The following TSC2 variants were observed in gnomAD, a reference collection of about 807,000 sequenced individuals.
TSC2 encodes the protein TSC complex subunit 2.
TSC2 carries 29 observed loss-of-function variants against 202.2 expected under a neutral mutation model. The ratio of observed to expected loss-of-function variants is 0.14; its 90% CI spans 0.11 to 0.20. The LOEUF is 0.20. Ranked by LOEUF, TSC2 falls within the 10% of genes least tolerant of loss-of-function variation. The pLI is 1.00. For missense variants in TSC2, 2,429 were observed against 2,420.0 expected, an observed-to-expected ratio of 1.00 and a Z score of -0.08; for synonymous variants, 1,349 against 1,044.0, an observed-to-expected ratio of 1.29 and a Z score of -5.63.
chr16:2,048,375 G>C, intron 1 of TSC2: 3 of 846,796 alleles, frequency 3.5e-6, no homozygotes, highest in Non-Finnish European at 3.9e-6. Flanking sequence ...TCTGAGTAGA[G>C]AGCTCTCTAG....
chr16:2,063,125 C>T (rs530701458), intron 14 of TSC2, 72 bp downstream of exon 14: 49 of 1,515,172 alleles, frequency 3.2e-5, no homozygotes, highest in South Asian at 6.0e-5. Context: ...CTGTTGTGCA[C>T]GTGCTCCCGC....
At chr16:2,053,304 G>GAGC (rs746930095) in intron 3 of TSC2, 38 bp from the exon 4 acceptor site, 10 of 1,548,524 alleles carry the variant, frequency 6.5e-6, no homozygotes, top group Non-Finnish European at 8.7e-6. Flanking sequence ...GGTTCTTGGA[G>GAGC]AGCACATCCT....
At chr16:2,053,954 C>T (rs530787136) in intron 4 of TSC2, 2 of 447,498 alleles carry the variant, frequency 4.5e-6, no homozygotes, top group African/African-American at 2.0e-5. Flanking sequence ...GGGTTTCCCC[C>T]ACTCAGGCCT....
At chr16:2,081,369 C>T (rs1209332511) in intron 30 of TSC2, 6 of 608,434 alleles carry the variant, frequency 9.9e-6, no homozygotes, top group South Asian at 9.3e-5. Flanking sequence ...GGGCTGGAGG[C>T]CGCTGCTCTG....
rs145002269 is a variant in TSC2, at chr16:2,087,865, C to G, written c.4992C>G (p.Gly1664=). 1.2e-6 allele frequency: 2 copies of G among 1,612,574 alleles called. No homozygotes were observed. The highest frequency in any genetic ancestry group is 2.2e-5 in the South Asian group (2 of 91,054). ...GACCCTTTCTCTTGTCCGGGCAGGG[C>G]CAGTTCAACTTTGTCCACGTGATCG... ...GEDFKLGTIK[G]QFNFVHVIVT... Residue 1664 remains glycine (G), a splice_region_variant and synonymous_variant, in exon 39 of 42, where the codon GGC becomes GGG. Transcript: ENST00000219476.
rs771550363 is a variant in TSC2, at chr16:2,080,355, G to A, written c.3588G>A (p.Glu1196=). The A allele has an allele frequency of 1.2e-6, 2 of 1,612,132 alleles. No homozygotes were observed. Among genetic ancestry groups the A allele is most frequent in the South Asian group, 2.2e-5 (2 of 91,052 alleles). ...CCCTGCTGACCCAGGGCTGGGCGGAGATCCTGGTCCGGAGGCCCACAGGTA... is the reference window on the plus strand; with the variant it reads ...CCCTGCTGACCCAGGGCTGGGCGGAAATCCTGGTCCGGAGGCCCACAGGTA... ...YVPLLTQGWA[E]ILVRRPTGNT... The change falls in exon 30 of 42, where the codon GAG becomes GAA. Residue 1196 remains glutamate (E), a synonymous_variant. Transcript: ENST00000219476.
At chr16:2,086,934 T>C in intron 38 of TSC2, 63 bp downstream of exon 38, 6 of 1,547,134 alleles carry the variant, frequency 3.9e-6, no homozygotes, top group Non-Finnish European at 5.2e-6. Context: ...TGTCCCGGGT[T>C]GGTGGCAGGT....
chr16:2,085,807 GCTT>G (rs1173875833), intron 36 of TSC2, among the ~76,000 whole-genome samples: 1 of 152,228 alleles, frequency 6.6e-6, no homozygotes, highest in African/African-American at 2.4e-5. Flanking sequence ...GGCCTGGGCT[GCTT>G]CTGAGCAGAG....
chr16:2,088,951 A>C lies in TSC2; in HGVS notation c.*341A>C, dbSNP rs537187222. The C allele has an allele frequency of 1.2e-5, 4 of 344,170 alleles. No individual in the cohort carries two copies. In the East Asian group the frequency reaches 1.8e-4, roughly 15 times the overall value. 21.3% of individuals were successfully genotyped at this position (344,170 alleles called of 1,614,324 possible). A position where few individuals can be genotyped will look rare whatever the true frequency, so the allele number is the denominator to read the frequency against. On this transcript the variant is annotated 3_prime_UTR_variant, in exon 42 of 42. Transcript: ENST00000219476. ...GCCCCCAGGAGGAGTCTTTTCCTCT[A>C]ACCACCCTGGGGTCCTCTGACATGC...
At chr16:2,080,546 C>T (rs1187849477) in intron 30 of TSC2, 169 bp downstream of exon 30, 3 of 757,850 alleles carry the variant, frequency 4.0e-6, no homozygotes, top group African/African-American at 1.8e-5. Context: ...CGCAGTGGCG[C>T]AATCTCGGCT....
chr16:2,070,784 C>T (rs559657979), intron 17 of TSC2, among the ~76,000 whole-genome samples: 35 of 152,364 alleles, frequency 2.3e-4, no homozygotes, highest in African/African-American at 8.2e-4. Context: ...TGGCTTGTCG[C>T]TCTAAGCCGC....
intron 13 of TSC2, 174 bp downstream of exon 13, chr16:2,062,774 G>GCTAGCTTGCTTTCCA: frequency 1.1e-6 from 1 of 899,556 alleles, no homozygotes; most frequent in Non-Finnish European, 1.7e-6. Context: ...CAGCAGGACA[G>GCTAGCTTGCTTTCCA]GTCCTCTCAT....
intron 11 of TSC2, 28 bp from the exon 12 acceptor site, chr16:2,061,843 G>A: frequency 6.2e-7 from 1 of 1,614,018 alleles, no homozygotes; most frequent in Non-Finnish European, 8.5e-7. Context: ...GTGGAAGTCA[G>A]CCTGTGTCAT....
intron 12 of TSC2, 86 bp downstream of exon 12, chr16:2,062,094 C>T: frequency 6.3e-7 from 1 of 1,589,542 alleles, no homozygotes; most frequent in Non-Finnish European, 8.6e-7. Flanking sequence ...TTCTGAGCCT[C>T]AGAAGCCAAG....
At chr16:2,056,022 A>G (rs1232422767) in intron 6 of TSC2, 174 bp from the exon 7 acceptor site, 2 of 731,074 alleles carry the variant, frequency 2.7e-6, no homozygotes, top group Non-Finnish European at 4.8e-6. Context: ...AACACCCAGC[A>G]CCGAGAGCAG....
chr16:2,074,447 C>A (rs530048240), intron 22 of TSC2, 58 bp downstream of exon 22: 1 of 1,591,030 alleles, frequency 6.3e-7, no homozygotes, highest in Non-Finnish European at 8.5e-7. Flanking sequence ...GTAACCTGTG[C>A]GGGCTTCTCT....
At chr16:2,061,807 C>A in intron 11 of TSC2, 64 bp from the exon 12 acceptor site, 1 of 1,612,888 alleles carries the variant, frequency 6.2e-7, no homozygotes, top group Admixed American at 1.7e-5. Context: ...TGTAGCGAGG[C>A]CTCTGGTGCC....
At chr16:2,056,550 G>A (rs772932343) in intron 7 of TSC2, 94 bp from the exon 8 acceptor site, 98 of 1,540,312 alleles carry the variant, frequency 6.4e-5, no homozygotes, top group South Asian at 9.4e-5. Flanking sequence ...AGGTGGCAGC[G>A]CAGGCTGAAG....
At chr16:2,082,570 GTC>G in intron 32 of TSC2, 66 bp downstream of exon 32, 1 of 1,570,214 alleles carries the variant, frequency 6.4e-7, no homozygotes, top group East Asian at 2.2e-5. Flanking sequence ...TGCTGTGCTC[GTC>G]GCCTCATCCG....
Sources: allele counts gnomAD v4.1 joint callset (sites outside exome capture counted in the v4.1 genomes callset), GRCh38; gene constraint gnomAD v4.1.1; transcripts MANE v1.5; gene names NCBI Gene and HGNC (gene_info 2026-07-23, HGNC 2026-07-21).